Variants in GUCY2D observed in about 807,000 individuals in gnomAD.
GUCY2D encodes retinal guanylyl cyclase 1.
Under a neutral mutation model 101.3 loss-of-function variants are expected in GUCY2D, and 70 were observed. That is an observed-to-expected ratio of 0.69 (90% CI 0.57 to 0.84). The LOEUF is 0.84. Among genes scored for constraint, GUCY2D ranks in the 40% least tolerant of loss-of-function variants. GUCY2D has a pLI of 0.00. For missense variants in GUCY2D, 1,460 were observed against 1,542.5 expected, an observed-to-expected ratio of 0.95 and a Z score of 0.90; for synonymous variants, 688 against 670.7, an observed-to-expected ratio of 1.03 and a Z score of -0.40.
chr17:8,019,305 C>T (rs1223955116), intron 19 of GUCY2D, among the ~76,000 whole-genome samples: 2 of 152,148 alleles, frequency 1.3e-5, no homozygotes, highest in Non-Finnish European at 2.9e-5. Context: ...TGTGTGATTT[C>T]GGCTGCCTCA....
chr17:8,014,624 G>C lies in GUCY2D; in HGVS notation c.2436G>C (p.Arg812=). 1 of 1,614,170 alleles carries C rather than the reference G, an allele frequency of 6.2e-7. No individual in the cohort carries two copies. Among genetic ancestry groups the C allele is most frequent in the Non-Finnish European group, 8.5e-7 (1 of 1,180,028 alleles). Residue 812 remains arginine (R), a synonymous_variant, in exon 13 of 20, where the codon CGG becomes CGC. Coordinates refer to ENST00000254854, the MANE Select transcript of GUCY2D (RefSeq NM_000180.4). This position sits in a 1 kb window ranked among gnomAD's most constrained non-coding sequence, Gnocchi z 4.0. ...FDLFKNINKG[R]KTNIIDSMLR... is the part of the protein sequence containing the mutation. Reference sequence around the variant, plus strand: ...AGTTCAAGAACATCAACAAGGGCCGGAAGACGAACATCATTGACTCGATGC... The same window carrying C: ...AGTTCAAGAACATCAACAAGGGCCGCAAGACGAACATCATTGACTCGATGC...
intron 3 of GUCY2D, 35 bp downstream of exon 3, chr17:8,004,191 G>C (rs1472898536): frequency 2.5e-5 from 39 of 1,542,750 alleles, no homozygotes; most frequent in Non-Finnish European, 3.4e-5. Context: ...GAAGGCAAGG[G>C]AGAGGGGAGA....
At chr17:8,004,348 C>A (rs1327893428) in intron 3 of GUCY2D, among the ~76,000 whole-genome samples, 192 bp downstream of exon 3, 3 of 152,174 alleles carry the variant, frequency 2.0e-5, no homozygotes, top group African/African-American at 7.2e-5. Context: ...AGAGAGTAGG[C>A]AATTCGACCT....
In GUCY2D at chr17:8,012,337, T is replaced by C. The variant is rs1975868797; in HGVS notation, c.1943T>C (p.Leu648Pro). The change falls in exon 9 of 20, where the codon CTG becomes CCG. Residue 648 changes from leucine to proline, a missense_variant. Coordinates refer to ENST00000254854, the MANE Select transcript of GUCY2D (RefSeq NM_000180.4). ...LDWMFKSSLL[L>P]DLIKGIRYLH... The stretch of plus-strand genomic sequence containing the variant: ...TGGATGTTCAAGTCCTCCCTCCTGC[T>C]GGACCTTATCAAGGTGTGTGTCTGG... 2 of 1,611,260 alleles carry C rather than the reference T, an allele frequency of 1.2e-6. No homozygotes were observed. The highest frequency in any genetic ancestry group is 1.7e-6 in the Non-Finnish European group (2 of 1,179,346).
chr17:8,007,600 C>T lies in GUCY2D; in HGVS notation c.1566+72C>T, dbSNP rs77430877. 9,823 of 915,428 alleles carry T rather than the reference C, an allele frequency of 0.011. 752 individuals carry two copies. In the Admixed American group the frequency reaches 0.14, roughly 13 times the overall value. 56.7% of individuals were successfully genotyped at this position (915,428 alleles called of 1,614,324 possible). On this transcript the variant is annotated intron_variant, in intron 6 of 19. Transcript: ENST00000254854. ...TTTGGTTCCTTCCCTGGGCCAGTCC[C>T]GACCCCAGCTCCCTACTTGGGAAGC...
Position 8,014,412 on chromosome 17 carries a change from G to A in GUCY2D, c.2413-189G>A, listed in dbSNP as rs1469081407. 19 of 662,902 alleles carry A rather than the reference G, an allele frequency of 2.9e-5. No homozygotes were observed. The highest frequency in any genetic ancestry group is 7.9e-4 in the Middle Eastern group (2 of 2,544). 41.1% of individuals were successfully genotyped at this position (662,902 alleles called of 1,614,324 possible). A position where few individuals can be genotyped will look rare whatever the true frequency, so the allele number is the denominator to read the frequency against. The stretch of plus-strand genomic sequence containing the variant: ...ACCTCTGGGAACCCTCATTTCCCAC[G>A]TGCCTCCTAATCGTGTCTGAAAACA... On this transcript the variant is annotated intron_variant, in intron 12 of 19. Transcript: ENST00000254854. This position sits in a 1 kb window ranked among gnomAD's most constrained non-coding sequence, Gnocchi z 4.0.
chr17:8,009,149 A>C (rs1291362834), intron 7 of GUCY2D, among the ~76,000 whole-genome samples: 1 of 152,204 alleles, frequency 6.6e-6, no homozygotes, highest in African/African-American at 2.4e-5. Context: ...TGATCTACCC[A>C]GATTTTTTAC....
chr17:8,020,129 G>A lies in GUCY2D; in HGVS notation c.*26G>A, dbSNP rs1976046071. ...TTTTTTTTTTGTGCTTCTCCTTAGG[G>A]TCTGGGCCCTGCTCCCTGTCCCATC... On this transcript the variant is annotated splice_region_variant and 3_prime_UTR_variant, in exon 20 of 20. Coordinates refer to ENST00000254854, the MANE Select transcript of GUCY2D (RefSeq NM_000180.4). 6.9e-6 allele frequency: 1 copy of A among 143,926 alleles called. No individual in the cohort carries two copies. Among genetic ancestry groups the A allele is most frequent in the African/African-American group, 2.6e-5 (1 of 38,246 alleles). The allele number at this position is 143,926 out of a possible 1,614,324, so 8.9% of individuals were successfully genotyped here. A position where few individuals can be genotyped will look rare whatever the true frequency, so the allele number is the denominator to read the frequency against.
At chr17:8,017,168 ACC>A (rs770512665) in intron 19 of GUCY2D, among the ~76,000 whole-genome samples, 4 of 152,172 alleles carry the variant, frequency 2.6e-5, no homozygotes, top group Non-Finnish European at 4.4e-5. Context: ...CAGCCATGTG[ACC>A]TTGGGAAAGT....
At chr17:8,015,593 G>A in intron 15 of GUCY2D, 91 bp downstream of exon 15, 6 of 1,282,580 alleles carry the variant, frequency 4.7e-6, no homozygotes, top group Non-Finnish European at 6.6e-6. Context: ...CATGGAGCGG[G>A]GAGTGGGGCT....
At chr17:8,015,305 C>G (rs1598150997) in intron 14 of GUCY2D, 23 bp from the exon 15 acceptor site, 1 of 1,599,442 alleles carries the variant, frequency 6.3e-7, no homozygotes, top group Non-Finnish European at 8.5e-7. Context: ...AAAGAAAATT[C>G]ACACAACTCC....
chr17:8,009,685 T>A, intron 8 of GUCY2D, 99 bp downstream of exon 8: 2 of 823,204 alleles, frequency 2.4e-6, no homozygotes, highest in Non-Finnish European at 4.3e-6. Flanking sequence ...CAGTTAAGTG[T>A]CCCCTCTGGC....
rs1975924590 is a variant in GUCY2D, at chr17:8,014,639, T to A, written c.2451T>A (p.Ile817=). The A allele has an allele frequency of 6.2e-7, 1 of 1,613,984 alleles. No homozygotes were observed. Among genetic ancestry groups the A allele is most frequent in the Non-Finnish European group, 8.5e-7 (1 of 1,179,976 alleles). ...ACAAGGGCCGGAAGACGAACATCATTGACTCGATGCTTCGGATGCTGGAGC... is the reference window on the plus strand; with the variant it reads ...ACAAGGGCCGGAAGACGAACATCATAGACTCGATGCTTCGGATGCTGGAGC... ...NINKGRKTNI[I]DSMLRMLEQY... Residue 817 remains isoleucine, a synonymous_variant, in exon 13 of 20, where the codon ATT becomes ATA. Coordinates refer to ENST00000254854, the MANE Select transcript of GUCY2D (RefSeq NM_000180.4). This position sits in a 1 kb window ranked among gnomAD's most constrained non-coding sequence, Gnocchi z 4.0.
In GUCY2D at chr17:8,013,900, AG is replaced by A; in HGVS notation, c.2285del (p.Ser762ThrfsTer22). The A allele has an allele frequency of 6.2e-7, 1 of 1,613,346 alleles. No homozygotes were observed. Among genetic ancestry groups the A allele is most frequent in the Non-Finnish European group, 8.5e-7 (1 of 1,179,380 alleles). On this transcript the variant is annotated frameshift_variant, in exon 12 of 20. Transcript: ENST00000254854. LOFTEE classifies it high-confidence loss of function. This position sits in a 1 kb window ranked among gnomAD's most constrained non-coding sequence, Gnocchi z 5.0. ...TCCAGAAGTGGTGCAGAGGGTGCGG[AG>A]CCCCCCTCCACTGTGTCGGCCCTTG... ...TPEEVVQRVR[S>X]PPPLCRPLVS... is the part of the protein sequence containing the mutation.
At chr17:8,017,523 T>C (rs1464564287) in intron 19 of GUCY2D, among the ~76,000 whole-genome samples, 6 of 152,168 alleles carry the variant, frequency 3.9e-5, no homozygotes, top group Non-Finnish European at 4.4e-5. Flanking sequence ...CTGCTTCTCC[T>C]GTGGGTATAA....
rs1203452310 is a variant in GUCY2D, at chr17:8,003,863, G to C, written c.733G>C (p.Val245Leu). ...GCCTCTGTCCGCAGCAGTGATCATG[G>C]TGATGCACTCGGTGCTGCTGGGTGG... ...DGPRVTAVIM[V>L]MHSVLLGGEE... The change falls in exon 3 of 20, where the codon GTG (valine) becomes CTG (leucine). Residue 245 changes from valine (V) to leucine (L), a missense_variant. By Grantham distance (32) the Val-to-Leu change is conservative (BLOSUM62 1). Transcript: ENST00000254854. 6.2e-7 allele frequency: 1 copy of C among 1,612,460 alleles called. No individual in the cohort carries two copies.
rs540262740 is a variant in GUCY2D, at chr17:8,005,533, G to A, written c.1027-830G>A. On this transcript the variant is annotated intron_variant, in intron 3 of 19. Coordinates refer to ENST00000254854, the MANE Select transcript of GUCY2D (RefSeq NM_000180.4). Reference sequence around the variant, plus strand: ...TTCTCTTTTGCCTCTGAGCTTCTGAGTGTGCTGTTTCCTCTCTCTTGTCCC... The same window carrying A: ...TTCTCTTTTGCCTCTGAGCTTCTGAATGTGCTGTTTCCTCTCTCTTGTCCC... Among the ~76,000 whole-genome samples the A allele has an allele frequency of 6.6e-5, 10 of 152,356 alleles. No individual in the cohort carries two copies. The South Asian group carries it at 2.1e-3, about 32-fold the overall frequency.
Position 8,003,984 on chromosome 17 carries a change from T to C in GUCY2D, c.854T>C (p.Leu285Ser). 6.2e-7 allele frequency: 1 copy of C among 1,613,656 alleles called. No individual in the cohort carries two copies. Among genetic ancestry groups the C allele is most frequent in the Non-Finnish European group, 8.5e-7 (1 of 1,179,914 alleles). Reference protein sequence around the residue: ...FLPFDTIHYALSPGPEALAAL... With the variant: ...FLPFDTIHYASSPGPEALAAL... ...CCCTTCGACACGATCCACTACGCCT[T>C]GTCCCCAGGCCCGGAGGCCTTGGCC... The change falls in exon 3 of 20, where the codon TTG becomes TCG. Residue 285 changes from leucine to serine, a missense_variant. Physicochemically the swap from Leu to Ser is moderately radical, Grantham distance 145. Around this residue, in one of 3 missense-constraint regions of GUCY2D, gnomAD observed 1,196 missense variants for 1,229.6 expected, o/e 0.97. Transcript: ENST00000254854.
In GUCY2D at chr17:8,016,560, G is replaced by GC; in HGVS notation, c.*24+11dup. 2.2e-6 allele frequency: 3 copies of GC among 1,366,800 alleles called. No homozygotes were observed. Among genetic ancestry groups the GC allele is most frequent in the South Asian group, 1.2e-5 (1 of 80,552 alleles). 84.7% of individuals were successfully genotyped at this position (1,366,800 alleles called of 1,614,324 possible). On this transcript the variant is annotated splice_region_variant and intron_variant, in intron 19 of 19. Transcript: ENST00000254854. ...TGAGGCCCGGCCCCGGACAGGTACT[G>GC]CCCCCTCAGCCCCAACCCCAGCTGC...
Sources: gnomAD v4.1 joint callset for allele counts (sites outside exome capture counted in the v4.1 genomes callset) on GRCh38, gnomAD v4.1.1 for gene constraint, gnomAD v4.1.1 regional missense constraint, Gnocchi (gnomAD v3.1) non-coding constraint, MANE v1.5 for transcripts, NCBI Gene and HGNC (gene_info 2026-07-23, HGNC 2026-07-21) for gene names.